The following FGF12 variants were observed in gnomAD, a reference collection of about 807,000 sequenced individuals.
FGF12 encodes fibroblast growth factor 12.
In FGF12, 14 loss-of-function variants were observed where a neutral mutation model predicts 23.6. The ratio of observed to expected loss-of-function variants is 0.59; its 90% CI spans 0.39 to 0.93. The LOEUF is 0.93. Ranked by LOEUF, FGF12 falls within the 40% of genes least tolerant of loss-of-function variation. The pLI, the probability that FGF12 is intolerant of heterozygous loss-of-function variation, is 0.00. For missense variants in FGF12, 175 were observed against 217.8 expected (o/e 0.80, Z 1.24); for synonymous variants, 62 against 77.3 (o/e 0.80, Z 1.04).
At chr3:192,154,933 T>G (rs1202642849) in intron 5 of FGF12, among the ~76,000 whole-genome samples, 6 of 133,438 alleles carry the variant, frequency 4.5e-5, no homozygotes, top group Non-Finnish European at 1.0e-4. Flanking sequence ...CCTTGCAGTT[T>G]GATCTCAGAC....
At chr3:192,565,250 C>A (rs550601911) in intron 2 of FGF12, among the ~76,000 whole-genome samples, 16 of 152,194 alleles carry the variant, frequency 1.1e-4, no homozygotes, top group Non-Finnish European at 2.4e-4. Flanking sequence ...ATTACTACAA[C>A]TTAAAAGTGA....
chr3:192,687,141 T>G (rs1317025261), intron 2 of FGF12, among the ~76,000 whole-genome samples: 2 of 150,728 alleles, frequency 1.3e-5, no homozygotes, highest in African/African-American at 4.9e-5. Context: ...CTGATTTATT[T>G]TTAATAAAAT....
chr3:192,341,151 A>C (rs1189016381), intron 3 of FGF12, among the ~76,000 whole-genome samples: 1 of 152,162 alleles, frequency 6.6e-6, no homozygotes, highest in East Asian at 1.9e-4. Context: ...AAATGGACAC[A>C]GGGCTTGAAC....
At chr3:192,647,828 A>C (rs1716071438) in intron 2 of FGF12, among the ~76,000 whole-genome samples, 1 of 151,776 alleles carries the variant, frequency 6.6e-6, no homozygotes, top group Admixed American at 6.6e-5. Flanking sequence ...CGAACTCCTT[A>C]GAAAATAAGA....
intron 4 of FGF12, among the ~76,000 whole-genome samples, chr3:192,181,841 G>C (rs1716196613): frequency 6.6e-6 from 1 of 151,472 alleles, no homozygotes; most frequent in Non-Finnish European, 1.5e-5. Context: ...GTGTTCCCCA[G>C]GCTGGTTTCG....
At chr3:192,712,971 A>G (rs1443838830) in intron 2 of FGF12, among the ~76,000 whole-genome samples, 1 of 152,176 alleles carries the variant, frequency 6.6e-6, no homozygotes, top group Non-Finnish European at 1.5e-5. Context: ...TGTGCATCTG[A>G]GTGTCTTCAG....
At chr3:192,172,388 AC>A (rs201827203) in intron 4 of FGF12, among the ~76,000 whole-genome samples, 2 of 148,080 alleles carry the variant, frequency 1.4e-5, no homozygotes, top group East Asian at 2.0e-4. Flanking sequence ...ATGGATCTCA[AC>A]CCCCCCTTCA....
intron 4 of FGF12, among the ~76,000 whole-genome samples, chr3:192,177,691 G>A (rs2108628885): frequency 6.6e-6 from 1 of 152,296 alleles, no homozygotes; most frequent in South Asian, 2.1e-4. Flanking sequence ...TGCTGTTACT[G>A]AAACACAATA....
rs1326170209 is a variant in FGF12 at position 192,564,044 on chromosome 3, TTTG to T, written c.13+163134_13+163136del. On this transcript the variant is annotated intron_variant, in intron 2 of 5. Transcript: ENST00000445105. ...GACTATGTGTAGTTTTTTGTTTTTT[TTTG>T]TTTGTTTTTTGTTTTTGTTTGTTTG... 8.2e-4 allele frequency among the ~76,000 whole-genome samples: 124 copies of T among 151,464 alleles called. 1 individual carries two copies. The highest frequency in any genetic ancestry group is 1.4e-3 in the Non-Finnish European group (95 of 67,830).
intron 4 of FGF12, among the ~76,000 whole-genome samples, chr3:192,300,940 T>A (rs565702360): frequency 1.3e-5 from 2 of 152,132 alleles, no homozygotes; most frequent in African/African-American, 4.8e-5. Context: ...ATTGCTTGAA[T>A]CCGGGAGTCG....
chr3:192,184,683 A>G (rs1716359362), intron 4 of FGF12, among the ~76,000 whole-genome samples: 1 of 152,238 alleles, frequency 6.6e-6, no homozygotes, highest in South Asian at 2.1e-4. Context: ...TTCAGAACTT[A>G]TGATTTGATC....
chr3:192,280,261 T>C (rs1319734615), intron 4 of FGF12, among the ~76,000 whole-genome samples: 1 of 152,166 alleles, frequency 6.6e-6, no homozygotes, highest in Non-Finnish European at 1.5e-5. Context: ...ATGGAGCAGA[T>C]AACACATTTA....
At chr3:192,362,505 G>A (rs1442663364) in intron 2 of FGF12, among the ~76,000 whole-genome samples, 1 of 151,202 alleles carries the variant, frequency 6.6e-6, no homozygotes, top group Non-Finnish European at 1.5e-5. Context: ...TTCTGTCCTT[G>A]CTGTAAACAA....
Position 192,472,377 on chromosome 3 carries a change from C to T in FGF12, c.14-111839G>A, listed in dbSNP as rs77381371. Among the ~76,000 whole-genome samples, 9 of 152,108 alleles carry T rather than the reference C, an allele frequency of 5.9e-5. No homozygotes were observed. In the East Asian group the frequency reaches 1.7e-3, roughly 29 times the overall value. ...TTGTCCGTATTGGGTCAGGCCTCTC[C>T]GGTCATCCAGTCCAGCTACACCAGT... On this transcript the variant is annotated intron_variant, in intron 2 of 5. Transcript: ENST00000445105.
intron 4 of FGF12, among the ~76,000 whole-genome samples, chr3:192,204,845 C>G (rs999589280): frequency 6.6e-6 from 1 of 151,664 alleles, no homozygotes; most frequent in Non-Finnish European, 1.5e-5. Context: ...AAGATCGCAC[C>G]AAGACTGTAC....
intron 2 of FGF12, among the ~76,000 whole-genome samples, chr3:192,559,030 C>T (rs1009297570): frequency 2.6e-5 from 4 of 151,808 alleles, no homozygotes; most frequent in South Asian, 2.1e-4. Context: ...ATCTTCATAT[C>T]GCTTTTCACA....
At chr3:192,326,434 A>G (rs1264484674) in intron 4 of FGF12, among the ~76,000 whole-genome samples, 1 of 152,176 alleles carries the variant, frequency 6.6e-6, no homozygotes, top group African/African-American at 2.4e-5. Flanking sequence ...AGTTACCAAT[A>G]GCGGCCCTTT....
At chr3:192,445,161 T>C (rs1276723016) in intron 2 of FGF12, among the ~76,000 whole-genome samples, 2 of 152,234 alleles carry the variant, frequency 1.3e-5, no homozygotes, top group Non-Finnish European at 2.9e-5. Flanking sequence ...CCTTTTCATA[T>C]TTAACACCAG....
chr3:192,497,164 CA>C (rs1374607896), intron 2 of FGF12, among the ~76,000 whole-genome samples: 2 of 152,174 alleles, frequency 1.3e-5, no homozygotes, highest in Admixed American at 1.3e-4. Flanking sequence ...CTCCACCCCA[CA>C]ACACAGATTT....
Sources: allele counts gnomAD v4.1 joint callset (sites outside exome capture counted in the v4.1 genomes callset), GRCh38; gene constraint gnomAD v4.1.1; transcripts MANE v1.5; gene names NCBI Gene and HGNC (gene_info 2026-07-23, HGNC 2026-07-21).